ATP13A1: variants seen among roughly 807,000 people sequenced by gnomAD.
The protein encoded by ATP13A1 is endoplasmic reticulum transmembrane helix translocase.
A neutral mutation model predicts 134.8 loss-of-function variants in ATP13A1; 55 were observed. The ratio of observed to expected loss-of-function variants is 0.41; its 90% CI spans 0.33 to 0.51. The LOEUF (loss-of-function observed/expected upper bound fraction) is 0.51. Ranked by LOEUF, ATP13A1 falls within the 20% of genes least tolerant of loss-of-function variation. ATP13A1 has a pLI of 0.29. For missense variants in ATP13A1, 1,389 were observed against 1,652.8 expected (o/e 0.84, Z 2.77); for synonymous variants, 775 against 725.1 (o/e 1.07, Z -1.10).
At chr19:19,650,009 T>C in intron 17 of ATP13A1, 69 bp from the exon 18 acceptor site, 1 of 1,399,706 alleles carries the variant, frequency 7.1e-7, no homozygotes, top group Non-Finnish European at 9.7e-7. Context: ...CTCCCTCCAC[T>C]CGGACCCCAG....
chr19:19,654,796 T>C, intron 12 of ATP13A1, 96 bp from the exon 13 acceptor site: 1 of 1,413,456 alleles, frequency 7.1e-7, no homozygotes, highest in Non-Finnish European at 9.5e-7. Flanking sequence ...ATTCATTCCG[T>C]GCTTGTCACT....
In ATP13A1 at chr19:19,649,920, A is replaced by C. The variant is rs1233733560; in HGVS notation, c.2356T>G (p.Ser786Ala). ...GGCAGCACGATGCTGCCGTCAATGG[A>C]GCGCCACTCGCACTGCCGGCCTGCG... is the stretch of plus-strand genomic sequence containing the variant. ...SEKGRQCEWR[S>A]IDGSIVLPLA... Residue 786 changes from serine (S) to alanine (A), a missense_variant, in exon 18 of 26, where the codon TCC becomes GCC. Coordinates refer to ENST00000357324, the MANE Select transcript of ATP13A1 (RefSeq NM_020410.3). 6.3e-7 allele frequency: 1 copy of C among 1,596,022 alleles called. No individual in the cohort carries two copies. Among genetic ancestry groups the C allele is most frequent in the Non-Finnish European group, 8.5e-7 (1 of 1,178,642 alleles).
intron 1 of ATP13A1, among the ~76,000 whole-genome samples, chr19:19,661,841 G>A (rs1332432209): frequency 6.6e-6 from 1 of 152,204 alleles, no homozygotes; most frequent in Non-Finnish European, 1.5e-5. Context: ...GGCCTCCAAA[G>A]CAGGCAGCAA....
rs2062050869 is a variant in ATP13A1, at chr19:19,655,406, T to C, written c.1444A>G (p.Thr482Ala). 1 of 1,613,878 alleles carries C rather than the reference T, an allele frequency of 6.2e-7. No homozygotes were observed. The highest frequency in any genetic ancestry group is 8.5e-7 in the Non-Finnish European group (1 of 1,179,866). Residue 482 changes from threonine (T) to alanine (A), a missense_variant, in exon 11 of 26, where the codon ACC (threonine) becomes GCC (alanine). Physicochemically the swap from Thr to Ala is moderately conservative, Grantham distance 58. Around this residue, in one of 4 missense-constraint regions of ATP13A1, gnomAD observed 747 missense variants for 956.1 expected, o/e 0.78. Coordinates refer to ENST00000357324, the MANE Select transcript of ATP13A1 (RefSeq NM_020410.3). The surrounding 1 kb of genome is among the most constrained non-coding windows in gnomAD (Gnocchi z 5.7). ...GGCACGACCGAGGTGAGGATCAGGG[T>C]GCACTCCAGAAACAGCTTGTAGCGG... Reference protein sequence around the residue: ...RNRYKLFLECTLILTSVVPPE... With the variant: ...RNRYKLFLECALILTSVVPPE...
At chr19:19,660,418 T>G (rs1001449706) in intron 1 of ATP13A1, 4 of 174,954 alleles carry the variant, frequency 2.3e-5, no homozygotes, top group African/African-American at 1.0e-4. Context: ...GAGGCGGAGG[T>G]TGCAGTGAAC....
In ATP13A1 at chr19:19,657,102, G is replaced by A. The variant is rs762044445; in HGVS notation, c.798C>T (p.Ser266=). Residue 266 remains serine (S), a synonymous_variant, in exon 5 of 26, where the codon AGC becomes AGT. Transcript: ENST00000357324. ...CCACCAGCATGGATAGCGTAAAGACGCTGTAGTACCAGTACTCATCCAGGC... is the reference window on the plus strand; with the variant it reads ...CCACCAGCATGGATAGCGTAAAGACACTGTAGTACCAGTACTCATCCAGGC... ...LWCLDEYWYY[S]VFTLSMLVAF... is the part of the protein sequence containing the mutation. 1.3e-6 allele frequency: 2 copies of A among 1,529,500 alleles called. No individual in the cohort carries two copies. The highest frequency in any genetic ancestry group is 4.1e-5 in the Admixed American group (2 of 48,708). 94.7% of individuals were successfully genotyped at this position (1,529,500 alleles called of 1,614,324 possible). A position where few individuals can be genotyped will look rare whatever the true frequency, so the allele number is the denominator to read the frequency against.
Position 19,653,558 on chromosome 19 carries a change from G to T in ATP13A1, c.2100+226C>A, listed in dbSNP as rs2062037943. Among the ~76,000 whole-genome samples the T allele has an allele frequency of 6.6e-6, 1 of 152,188 alleles. No homozygotes were observed. Among genetic ancestry groups the T allele is most frequent in the Admixed American group, 6.5e-5 (1 of 15,276 alleles). On this transcript the variant is annotated intron_variant, in intron 15 of 25. Transcript: ENST00000357324. The surrounding 1 kb of genome is among the most constrained non-coding windows in gnomAD (Gnocchi z 4.2). ...GAGCTAGGGACACACCAGGACTGGG[G>T]CAGGTAAGCCCTGCGTGTGCTCTGC...
rs142256006 is a variant in ATP13A1, at chr19:19,646,157, T to A, written c.3248+48A>T. ...GCTGAAGTCTGTGGAGTCATCCTCC[T>A]GCTATTCTCAGCTGCAGGGACATCA... On this transcript the variant is annotated intron_variant, in intron 23 of 25. Transcript: ENST00000357324. 113 of 1,611,616 alleles carry A rather than the reference T, an allele frequency of 7.0e-5. 2 individuals carry two copies. The East Asian group carries it at 2.5e-3, about 35-fold the overall frequency.
chr19:19,648,147 C>T (rs1335648906), intron 19 of ATP13A1, among the ~76,000 whole-genome samples: 3 of 151,944 alleles, frequency 2.0e-5, no homozygotes, highest in Admixed American at 6.6e-5. Flanking sequence ...GGCGAAACCC[C>T]GTCTCTACTA....
intron 1 of ATP13A1, among the ~76,000 whole-genome samples, chr19:19,661,252 T>A (rs1181031222): frequency 6.6e-6 from 1 of 152,140 alleles, no homozygotes; most frequent in Non-Finnish European, 1.5e-5. Context: ...ACCCACCCAG[T>A]ACGTCCTCAA....
In ATP13A1 at chr19:19,663,043, T is replaced by G. The variant is rs970888883; in HGVS notation, c.396+228A>C. On this transcript the variant is annotated intron_variant, in intron 1 of 25. Transcript: ENST00000357324. ...TTACATCACTGAATCTAAATGACCA[T>G]AACAGGGAGGACTTCAGAAAAAGGA... The G allele has an allele frequency of 8.2e-6, 6 of 731,334 alleles. No individual in the cohort carries two copies. In the African/African-American group the frequency reaches 1.0e-4, roughly 13 times the overall value. The allele number at this position is 731,334 out of a possible 1,614,324, so 45.3% of individuals were successfully genotyped here.
intron 22 of ATP13A1, chr19:19,646,808 A>G (rs2061989159): frequency 2.4e-6 from 1 of 422,834 alleles, no homozygotes; most frequent in East Asian, 4.4e-5. Flanking sequence ...GCTGTCCACC[A>G]GCCTGTCCTG....
At chr19:19,652,460 C>T (rs1449484308) in intron 16 of ATP13A1, 135 bp downstream of exon 16, 4 of 1,306,802 alleles carry the variant, frequency 3.1e-6, no homozygotes, top group Non-Finnish European at 4.1e-6. Flanking sequence ...AATGTTAGCA[C>T]CTGAGCTATG....
chr19:19,651,698 A>C lies in ATP13A1; in HGVS notation c.2326T>G (p.Ser776Ala). 2 of 1,610,388 alleles carry C rather than the reference A, an allele frequency of 1.2e-6. No homozygotes were observed. Among genetic ancestry groups the C allele is most frequent in the Non-Finnish European group, 1.7e-6 (2 of 1,178,422 alleles). ...CAGGCTAGGGCCTCACCTTTCTCGGAGGGAGGCTGCAGGATCAGCGTGTGG... is the reference window on the plus strand; with the variant it reads ...CAGGCTAGGGCCTCACCTTTCTCGGCGGGAGGCTGCAGGATCAGCGTGTGG... The part of the protein sequence containing the change: ...KAHTLILQPP[S>A]EKGRQCEWRS... Residue 776 changes from serine (S) to alanine (A), a missense_variant, in exon 17 of 26, where the codon TCC becomes GCC. Ser to Ala is a moderately conservative substitution (Grantham distance 99). Coordinates refer to ENST00000357324, the MANE Select transcript of ATP13A1 (RefSeq NM_020410.3).
chr19:19,648,841 G>C (rs1332889283), intron 19 of ATP13A1, among the ~76,000 whole-genome samples: 1 of 145,772 alleles, frequency 6.9e-6, no homozygotes, highest in Non-Finnish European at 1.5e-5. Flanking sequence ...GCAGGGTTCG[G>C]TGGGATGCAG....
chr19:19,655,017 C>CGG lies in ATP13A1; in HGVS notation c.1655+100_1655+101dup. On this transcript the variant is annotated intron_variant, in intron 12 of 25. Transcript: ENST00000357324. The surrounding 1 kb of genome is among the most constrained non-coding windows in gnomAD (Gnocchi z 5.7). ...AATGAACCCGAGGCAGGGCCTCTGA[C>CGG]GGGCCCTCACTGCAAGGGCTTGGGG... 2.0e-6 allele frequency: 3 copies of CGG among 1,502,988 alleles called. No homozygotes were observed. The South Asian group carries it at 3.8e-5, about 19-fold the overall frequency. 93.1% of individuals were successfully genotyped at this position (1,502,988 alleles called of 1,614,324 possible).
chr19:19,655,066 C>A lies in ATP13A1; in HGVS notation c.1655+53G>T. On this transcript the variant is annotated intron_variant, in intron 12 of 25. Transcript: ENST00000357324. The surrounding 1 kb of genome is among the most constrained non-coding windows in gnomAD (Gnocchi z 5.7). ...GGTGGATGGGCCACCTGTCTCTCGA[C>A]TTCCCAGAAACCCCATCTGGGTGAC... 6.2e-7 allele frequency: 1 copy of A among 1,606,670 alleles called. No individual in the cohort carries two copies. Among genetic ancestry groups the A allele is most frequent in the Non-Finnish European group, 8.5e-7 (1 of 1,177,574 alleles).
rs2062047043 is a variant in ATP13A1 at position 19,654,829 on chromosome 19, G to T, written c.1656-129C>A. ...ACTGGGGTGGCTTGGGCGCCAACTGGGTCTTTATGAGACCTGCACCTGCTT... is the reference window on the plus strand; with the variant it reads ...ACTGGGGTGGCTTGGGCGCCAACTGTGTCTTTATGAGACCTGCACCTGCTT... On this transcript the variant is annotated intron_variant, in intron 12 of 25. Transcript: ENST00000357324. The T allele has an allele frequency of 2.3e-5, 26 of 1,148,436 alleles. No homozygotes were observed. The South Asian group carries it at 3.4e-4, about 15-fold the overall frequency. 71.1% of individuals were successfully genotyped at this position (1,148,436 alleles called of 1,614,324 possible).
chr19:19,662,157 G>T (rs1045403061), intron 1 of ATP13A1: 2 of 1,553,322 alleles, frequency 1.3e-6, no homozygotes, highest in Non-Finnish European at 1.7e-6. Context: ...TTAGCTGCAG[G>T]TCAAAAGGCA....
Sources: gnomAD v4.1 joint callset for allele counts (sites outside exome capture counted in the v4.1 genomes callset) on GRCh38, gnomAD v4.1.1 for gene constraint, gnomAD v4.1.1 regional missense constraint, Gnocchi (gnomAD v3.1) non-coding constraint, MANE v1.5 for transcripts, NCBI Gene and HGNC (gene_info 2026-07-23, HGNC 2026-07-21) for gene names.